Variants in FHIT observed in about 807,000 individuals in gnomAD.
FHIT encodes fragile histidine triad diadenosine triphosphatase, also known as bis(5'-adenosyl)-triphosphatase.
Under a neutral mutation model 17.9 loss-of-function variants are expected in FHIT, and 19 were observed. That is an observed-to-expected ratio of 1.06 (90% confidence interval 0.74 to 1.56). FHIT has a LOEUF of 1.56. Ranked by LOEUF, FHIT falls within the 40% of genes most tolerant of loss-of-function variation. The pLI, the probability that FHIT is intolerant of heterozygous loss-of-function variation, is 0.00. For synonymous variants in FHIT, 81 were observed against 69.7 expected (o/e 1.16, Z -0.81); for missense variants, 248 against 189.2 (o/e 1.31, Z -1.82).
intron 8 of FHIT, among the ~76,000 whole-genome samples, chr3:59,850,759 C>T (rs1445469598): frequency 6.6e-6 from 1 of 152,172 alleles, no homozygotes; most frequent in African/African-American, 2.4e-5. Flanking sequence ...GAAAAGGCAC[C>T]TTGTGGGTGT....
chr3:60,723,287 C>T (rs2041849000), intron 4 of FHIT, among the ~76,000 whole-genome samples: 2 of 152,288 alleles, frequency 1.3e-5, no homozygotes, highest in African/African-American at 4.8e-5. Context: ...CTCGAGAAGG[C>T]CTATCCTTAG....
chr3:61,169,491 T>C (rs1389329111), intron 2 of FHIT, among the ~76,000 whole-genome samples: 1 of 152,222 alleles, frequency 6.6e-6, no homozygotes, highest in Non-Finnish European at 1.5e-5. Flanking sequence ...CCCAAAAGAT[T>C]AGTAAGAATT....
At chr3:60,471,302 G>A (rs1449844128) in intron 5 of FHIT, among the ~76,000 whole-genome samples, 1 of 152,152 alleles carries the variant, frequency 6.6e-6, no homozygotes, top group Admixed American at 6.5e-5. Flanking sequence ...CAGTCCTTGT[G>A]GCCTAGACTG....
chr3:61,199,026 T>G (rs756099526), intron 2 of FHIT, among the ~76,000 whole-genome samples: 1 of 152,092 alleles, frequency 6.6e-6, no homozygotes, highest in Non-Finnish European at 1.5e-5. Context: ...CTTCATTTAA[T>G]TCTCCACACC....
At chr3:61,113,981 G>C (rs919656824) in intron 2 of FHIT, among the ~76,000 whole-genome samples, 1 of 152,058 alleles carries the variant, frequency 6.6e-6, no homozygotes. Flanking sequence ...TTATTACCAC[G>C]GTCCCATACA....
chr3:61,011,109 T>C (rs1165585247), intron 3 of FHIT, among the ~76,000 whole-genome samples: 1 of 152,220 alleles, frequency 6.6e-6, no homozygotes, highest in Non-Finnish European at 1.5e-5. Flanking sequence ...AGAGAAATTA[T>C]ATGCACTGAC....
chr3:61,118,990 A>G (rs1352117571), intron 2 of FHIT, among the ~76,000 whole-genome samples: 1 of 152,122 alleles, frequency 6.6e-6, no homozygotes, highest in African/African-American at 2.4e-5. Flanking sequence ...CAGGGAAGAC[A>G]TTTTACTGGG....
intron 2 of FHIT, among the ~76,000 whole-genome samples, chr3:61,089,991 A>ATGCCTAGCCTAAAAGC (rs2035429795): frequency 6.6e-6 from 1 of 152,260 alleles, no homozygotes; most frequent in Admixed American, 6.5e-5. Flanking sequence ...AAGCCAATCA[A>ATGCCTAGCCTAAAAGC]CAAGCGCATG....
rs1011168516 is a variant in FHIT, at chr3:59,747,619, G to A, written c.*1966C>T. ...TCTTATAGTCTTTATTCTTATATAG[G>A]GCATCTCTGGATATAGGTGTTCACA... On this transcript the variant is annotated 3_prime_UTR_variant, in exon 10 of 10. Transcript: ENST00000492590. 3.3e-5 allele frequency among the ~76,000 whole-genome samples: 5 copies of A among 151,960 alleles called. No individual in the cohort carries two copies. In the East Asian group the frequency reaches 9.7e-4, roughly 29 times the overall value.
intron 2 of FHIT, among the ~76,000 whole-genome samples, chr3:61,098,126 T>C (rs1384487919): frequency 1.3e-5 from 2 of 152,202 alleles, no homozygotes; most frequent in Non-Finnish European, 2.9e-5. Context: ...AATTTTTGTA[T>C]ATGATATAAG....
At position 59,797,073 on chromosome 3, in the gene FHIT, C is replaced by T. The variant is rs73839175; in HGVS notation, c.349-44752G>A. On this transcript the variant is annotated intron_variant, in intron 8 of 9. Coordinates refer to ENST00000492590, the MANE Select transcript of FHIT (RefSeq NM_002012.4). ...TATATTTAACATCATTGCTAAAGTT[C>T]TAACACTATTTTTGGAAATCATCAA... Among the ~76,000 whole-genome samples, 1,296 of 152,204 alleles carry T rather than the reference C, an allele frequency of 8.5e-3. 15 individuals carry two copies. Among genetic ancestry groups the T allele is most frequent in the African/African-American group, 0.029 (1,221 of 41,520 alleles).
In FHIT at chr3:59,777,388, C is replaced by A. The variant is rs188287899; in HGVS notation, c.349-25067G>T. ...TTATCACCCAAAGATAAAAAAAAAA[C>A]CCCTGACTTGTAACTCTCCTACCCT... On this transcript the variant is annotated intron_variant, in intron 8 of 9. Transcript: ENST00000492590. 7.7e-3 allele frequency among the ~76,000 whole-genome samples: 1,160 copies of A among 151,058 alleles called. 17 individuals are homozygous for A. Among genetic ancestry groups the A allele is most frequent in the African/African-American group, 0.025 (1,018 of 41,132 alleles).
At chr3:61,140,718 A>G (rs2037057229) in intron 2 of FHIT, among the ~76,000 whole-genome samples, 1 of 152,174 alleles carries the variant, frequency 6.6e-6, no homozygotes, top group Non-Finnish European at 1.5e-5. Flanking sequence ...CATAGCCACC[A>G]CTGAAATAAT....
intron 2 of FHIT, among the ~76,000 whole-genome samples, chr3:61,082,556 C>T (rs544900446): frequency 3.9e-5 from 6 of 152,048 alleles, no homozygotes; most frequent in Non-Finnish European, 5.9e-5. Context: ...ACATTTTTAG[C>T]GTATATCTAG....
chr3:59,785,951 G>T (rs527833873), intron 8 of FHIT, among the ~76,000 whole-genome samples: 2 of 152,136 alleles, frequency 1.3e-5, no homozygotes, highest in East Asian at 3.9e-4. Flanking sequence ...TCAACACCCC[G>T]CTTAGAGGAT....
At chr3:60,874,622 C>T (rs1201023864) in intron 3 of FHIT, among the ~76,000 whole-genome samples, 2 of 152,148 alleles carry the variant, frequency 1.3e-5, no homozygotes, top group African/African-American at 4.8e-5. Flanking sequence ...GGAGACTATG[C>T]ATCTGTCACT....
intron 4 of FHIT, among the ~76,000 whole-genome samples, chr3:60,563,176 C>G (rs567420072): frequency 6.6e-6 from 1 of 151,994 alleles, no homozygotes. Context: ...AAGGCGAGCC[C>G]GATGGGAAGC....
chr3:60,030,742 T>A (rs1013733540), intron 5 of FHIT, among the ~76,000 whole-genome samples: 1 of 152,106 alleles, frequency 6.6e-6, no homozygotes, highest in Non-Finnish European at 1.5e-5. Context: ...CTGGGATGCA[T>A]GGACGGATGG....
At chr3:60,002,273 C>A (rs1699757887) in intron 7 of FHIT, among the ~76,000 whole-genome samples, 2 of 152,068 alleles carry the variant, frequency 1.3e-5, no homozygotes, top group Non-Finnish European at 2.9e-5. Flanking sequence ...GAATTTCAAA[C>A]CACTGTTTGT....
Sources: allele counts gnomAD v4.1 joint callset (sites outside exome capture counted in the v4.1 genomes callset), GRCh38; gene constraint gnomAD v4.1.1; transcripts MANE v1.5; gene names NCBI Gene and HGNC (gene_info 2026-07-23, HGNC 2026-07-21).